Variants in EBF1 observed in about 807,000 individuals in gnomAD.
EBF1 encodes the protein transcription factor COE1.
EBF1 carries 10 observed loss-of-function variants against 68.4 expected under a neutral mutation model. The ratio of observed to expected loss-of-function variants is 0.15; its 90% CI spans 0.09 to 0.25. EBF1 has a LOEUF of 0.25. Among genes scored for constraint, EBF1 ranks in the 10% least tolerant of loss-of-function variants. The pLI is 1.00. For missense variants in EBF1, 509 were observed against 794.4 expected (o/e 0.64, Z 4.32); for synonymous variants, 298 against 299.8 (o/e 0.99, Z 0.06).
intron 6 of EBF1, among the ~76,000 whole-genome samples, chr5:158,949,722 T>C (rs1815582672): frequency 6.6e-6 from 1 of 152,240 alleles, no homozygotes; most frequent in Admixed American, 6.5e-5. Flanking sequence ...ATTGTATCTA[T>C]TCAATAAATG....
intron 6 of EBF1, among the ~76,000 whole-genome samples, chr5:158,974,094 G>A (rs183771060): frequency 6.6e-6 from 1 of 152,330 alleles, no homozygotes; most frequent in African/African-American, 2.4e-5. Flanking sequence ...CATAGATGCA[G>A]CTCATCCTCT....
In EBF1 at chr5:158,922,607, G is replaced by A. The variant is rs1005843583; in HGVS notation, c.555-82497C>T. Among the ~76,000 whole-genome samples the A allele has an allele frequency of 3.3e-5, 5 of 152,268 alleles. No homozygotes were observed. In the East Asian group the frequency reaches 5.8e-4, roughly 18 times the overall value. ...ATTAAATTACACACAGCAGATCTAA[G>A]GGTTGGAAAAGTAGATTTACGGAAA... On this transcript the variant is annotated intron_variant, in intron 6 of 15. Coordinates refer to ENST00000313708, the MANE Select transcript of EBF1 (RefSeq NM_024007.5).
intron 9 of EBF1, among the ~76,000 whole-genome samples, chr5:158,794,709 A>T (rs1326860679): frequency 6.6e-6 from 1 of 152,208 alleles, no homozygotes; most frequent in African/African-American, 2.4e-5. Context: ...AACAGAAAGA[A>T]AGATGGAAAA....
intron 10 of EBF1, among the ~76,000 whole-genome samples, chr5:158,744,809 T>A (rs1228073809): frequency 6.6e-6 from 1 of 152,204 alleles, no homozygotes; most frequent in Non-Finnish European, 1.5e-5. Context: ...CGGAAACAAC[T>A]ATGATGATAA....
At chr5:158,841,923 A>C (rs1790407937) in intron 6 of EBF1, among the ~76,000 whole-genome samples, 1 of 152,224 alleles carries the variant, frequency 6.6e-6, no homozygotes. Context: ...CCATCAATGA[A>C]AGCAGGCCTC....
chr5:158,846,813 C>T (rs1023132161), intron 6 of EBF1, among the ~76,000 whole-genome samples: 2 of 152,188 alleles, frequency 1.3e-5, no homozygotes, highest in African/African-American at 4.8e-5. Context: ...GCCGGGCTGA[C>T]TTCCTCTCCT....
At chr5:158,910,632 C>T (rs1805764007) in intron 6 of EBF1, among the ~76,000 whole-genome samples, 1 of 152,044 alleles carries the variant, frequency 6.6e-6, no homozygotes, top group South Asian at 2.1e-4. Flanking sequence ...TTGATGTATG[C>T]CCTCAGACTA....
chr5:158,790,386 A>G (rs1778364244), intron 9 of EBF1, among the ~76,000 whole-genome samples: 1 of 152,184 alleles, frequency 6.6e-6, no homozygotes, highest in South Asian at 2.1e-4. Flanking sequence ...GTTTTCTCAC[A>G]TCTATCCCAG....
intron 10 of EBF1, among the ~76,000 whole-genome samples, chr5:158,764,512 G>C (rs1772210484): frequency 6.6e-6 from 1 of 152,158 alleles, no homozygotes; most frequent in African/African-American, 2.4e-5. Flanking sequence ...CTCACTCCGT[G>C]CTGGGCACTG....
chr5:158,701,978 C>A (rs923929728), intron 15 of EBF1, among the ~76,000 whole-genome samples: 1 of 152,166 alleles, frequency 6.6e-6, no homozygotes, highest in Non-Finnish European at 1.5e-5. Flanking sequence ...GGCAAGACAG[C>A]ATGCCACAGC....
At chr5:158,715,496 T>C (rs1287697467) in intron 11 of EBF1, among the ~76,000 whole-genome samples, 1 of 152,204 alleles carries the variant, frequency 6.6e-6, no homozygotes, top group Non-Finnish European at 1.5e-5. Flanking sequence ...TTATGACATA[T>C]CTAATGTCCT....
intron 6 of EBF1, among the ~76,000 whole-genome samples, chr5:159,062,334 G>T (rs537935714): frequency 6.6e-6 from 1 of 152,160 alleles, no homozygotes; most frequent in Non-Finnish European, 1.5e-5. Context: ...ATTGGATTTT[G>T]TGTCCTAAGG....
chr5:159,092,439 C>T (rs1164921854), intron 4 of EBF1, among the ~76,000 whole-genome samples: 1 of 152,106 alleles, frequency 6.6e-6, no homozygotes, highest in Admixed American at 6.5e-5. Context: ...TCTAATGAAG[C>T]TTCATCTTTC....
chr5:158,815,059 G>T (rs1180388604), intron 8 of EBF1, among the ~76,000 whole-genome samples: 2 of 152,166 alleles, frequency 1.3e-5, no homozygotes, highest in Admixed American at 1.3e-4. Context: ...GATAGGAGAT[G>T]GAAGGAATTT....
chr5:159,082,909 A>C (rs1243447829), intron 5 of EBF1, among the ~76,000 whole-genome samples: 1 of 152,238 alleles, frequency 6.6e-6, no homozygotes, highest in Non-Finnish European at 1.5e-5. Context: ...AAAGCACACC[A>C]ACCAGCATAA....
At chr5:159,053,611 A>T (rs922277670) in intron 6 of EBF1, among the ~76,000 whole-genome samples, 62 of 151,258 alleles carry the variant, frequency 4.1e-4, no homozygotes, top group South Asian at 1.9e-3. Context: ...TCTCTCACAC[A>T]CACACACACA....
intron 6 of EBF1, among the ~76,000 whole-genome samples, chr5:159,023,190 TA>T (rs11291084): frequency 0.52 from 73,348 of 142,256 alleles, 18,143 homozygotes; most frequent in East Asian, 0.7. Flanking sequence ...ATTTTCTCAC[TA>T]AAAAAAAAAA....
At chr5:159,075,213 G>C (rs1778533959) in intron 5 of EBF1, among the ~76,000 whole-genome samples, 1 of 151,994 alleles carries the variant, frequency 6.6e-6, no homozygotes, top group African/African-American at 2.4e-5. Context: ...AGGCAATAAG[G>C]GTATAAAGAC....
chr5:159,022,266 A>G (rs1435178897), intron 6 of EBF1, among the ~76,000 whole-genome samples: 6 of 152,216 alleles, frequency 3.9e-5, no homozygotes, highest in African/African-American at 1.4e-4. Context: ...CAGAACTATT[A>G]TCAAAACACA....
Sources: gnomAD v4.1 joint callset for allele counts (sites outside exome capture counted in the v4.1 genomes callset) on GRCh38, gnomAD v4.1.1 for gene constraint, MANE v1.5 for transcripts, NCBI Gene and HGNC (gene_info 2026-07-23, HGNC 2026-07-21) for gene names.